The following BOD1 variants were observed in gnomAD, a reference collection of about 807,000 sequenced individuals.
The protein encoded by BOD1 is biorientation of chromosomes in cell division 1, also known as biorientation of chromosomes in cell division protein 1.
In BOD1, 11 loss-of-function variants were observed where a neutral mutation model predicts 15.7. The observed-to-expected ratio is 0.70, with a 90% CI of 0.44 to 1.16. The LOEUF (loss-of-function observed/expected upper bound fraction) is 1.16. BOD1 is among the 50% of genes most tolerant of loss of function. The pLI, the probability that BOD1 is intolerant of heterozygous loss-of-function variation, is 0.00. For missense variants in BOD1, 182 were observed against 244.5 expected (o/e 0.74, Z 1.70); for synonymous variants, 105 against 103.5 (o/e 1.01, Z -0.09).
At position 173,607,862 on chromosome 5, in the gene BOD1, A is replaced by G; in HGVS notation, c.*432T>C. ...GACAGTATCAAATAAGCACTGTCAA[A>G]GACTACTCCCAGCTAATCTTTACTG... On this transcript the variant is annotated 3_prime_UTR_variant, in exon 4 of 4. Transcript: ENST00000311086. 5.6e-6 allele frequency: 1 copy of G among 179,970 alleles called. No individual in the cohort carries two copies. 11.1% of individuals were successfully genotyped at this position (179,970 alleles called of 1,614,324 possible).
chr5:173,615,078 G>A (rs1193078648), intron 1 of BOD1, among the ~76,000 whole-genome samples: 5 of 152,248 alleles, frequency 3.3e-5, no homozygotes, highest in Admixed American at 6.5e-5. Context: ...TAGGAAAGGT[G>A]AAAGCTCTGT....
chr5:173,611,610 T>C (rs1755356020), intron 2 of BOD1, among the ~76,000 whole-genome samples: 1 of 151,850 alleles, frequency 6.6e-6, no homozygotes, highest in African/African-American at 2.4e-5. Context: ...AAGTCAGGAA[T>C]ATGGAAAACT....
intron 3 of BOD1, among the ~76,000 whole-genome samples, 175 bp from the exon 4 acceptor site, chr5:173,608,467 C>T (rs910952689): frequency 6.6e-6 from 1 of 152,220 alleles, no homozygotes; most frequent in African/African-American, 2.4e-5. Flanking sequence ...AGTCCTGATG[C>T]TCTTGCGTTG....
chr5:173,613,631 A>G (rs529640384), intron 1 of BOD1, among the ~76,000 whole-genome samples: 1 of 152,328 alleles, frequency 6.6e-6, no homozygotes, highest in South Asian at 2.1e-4. Context: ...ACATGTGAAC[A>G]AGTGCTGGTT....
At chr5:173,610,360 CAAAGG>C (rs1755316854) in intron 2 of BOD1, among the ~76,000 whole-genome samples, 1 of 152,108 alleles carries the variant, frequency 6.6e-6, no homozygotes, top group Non-Finnish European at 1.5e-5. Context: ...CAGGGTACAG[CAAAGG>C]AAAGACATGA....
In BOD1 at chr5:173,616,413, C is replaced by CCG. The variant is rs1561727644; in HGVS notation, c.23_24insCG (p.Thr10GlufsTer77). ...CGCCGCCGCCCACCGCGCCAGTTCC[C>CCG]CCGCCGCCGCCGCCGTCCGCCATGG... On this transcript the variant is annotated frameshift_variant, in exon 1 of 4. Transcript: ENST00000311086. LOFTEE classifies it high-confidence loss of function. 23 of 1,538,334 alleles carry CCG rather than the reference C, an allele frequency of 1.5e-5. No individual in the cohort carries two copies. The African/African-American group carries it at 3.3e-4, about 22-fold the overall frequency.
rs1755235383 is a variant in BOD1 at position 173,607,627 on chromosome 5, T to TG, written c.*666dup. ...TAAAATAAACATACCTAAGACTCAC[T>TG]GGCCCCTCCAGGACAGGAAGCAGCC... On this transcript the variant is annotated 3_prime_UTR_variant, in exon 4 of 4. Transcript: ENST00000311086. 1 of 152,356 alleles carries TG rather than the reference T, an allele frequency of 6.6e-6. No individual in the cohort carries two copies. Among genetic ancestry groups the TG allele is most frequent in the Non-Finnish European group, 1.5e-5 (1 of 68,044 alleles). The allele number at this position is 152,356 out of a possible 1,614,324, so 9.4% of individuals were successfully genotyped here.
chr5:173,616,337 CG>C lies in BOD1; in HGVS notation c.99del (p.Ser33ArgfsTer53), dbSNP rs1228916373. On this transcript the variant is annotated frameshift_variant, in exon 1 of 4. Coordinates refer to ENST00000311086, the MANE Select transcript of BOD1 (RefSeq NM_138369.3). LOFTEE classifies it high-confidence loss of function. ...GCCGGGTTGATGGGGCCACCGCCCCCGCTGGCCCCAGTAGCGCCAGTCGCTG... is the reference window on the plus strand; with the variant it reads ...GCCGGGTTGATGGGGCCACCGCCCCCCTGGCCCCAGTAGCGCCAGTCGCTG... ...AGAATGATGA[S>X]GGGGPINPAS... 6.5e-7 allele frequency: 1 copy of C among 1,530,018 alleles called. No individual in the cohort carries two copies. Among genetic ancestry groups the C allele is most frequent in the East Asian group, 2.5e-5 (1 of 40,008 alleles). The allele number at this position is 1,530,018 out of a possible 1,614,324, so 94.8% of individuals were successfully genotyped here.
intron 1 of BOD1, among the ~76,000 whole-genome samples, chr5:173,613,930 C>A (rs1755424542): frequency 6.6e-6 from 1 of 152,210 alleles, no homozygotes; most frequent in African/African-American, 2.4e-5. Context: ...GAGGGTGCCA[C>A]AGGAGTGGGT....
At chr5:173,615,959 T>A (rs187492641) in intron 1 of BOD1, among the ~76,000 whole-genome samples, 1 of 152,196 alleles carries the variant, frequency 6.6e-6, no homozygotes, top group African/African-American at 2.4e-5. Context: ...AAAACCCACA[T>A]TGAAACCCCA....
In BOD1 at chr5:173,608,144, C is replaced by T; in HGVS notation, c.*150G>A. ...AACTCTCCCACTGCCGAACTTGCTC[C>T]CCTTTCAATCTGGTCACTGCCCATG... On this transcript the variant is annotated 3_prime_UTR_variant, in exon 4 of 4. Transcript: ENST00000311086. The T allele has an allele frequency of 2.1e-6, 2 of 934,520 alleles. No homozygotes were observed. Among genetic ancestry groups the T allele is most frequent in the Non-Finnish European group, 1.7e-6 (1 of 579,040 alleles). 57.9% of individuals were successfully genotyped at this position (934,520 alleles called of 1,614,324 possible).
At position 173,607,978 on chromosome 5, in the gene BOD1, A is replaced by G; in HGVS notation, c.*316T>C. The G allele has an allele frequency of 2.5e-6, 1 of 403,656 alleles. No homozygotes were observed. The highest frequency in any genetic ancestry group is 4.5e-6 in the Non-Finnish European group (1 of 222,546). 25.0% of individuals were successfully genotyped at this position (403,656 alleles called of 1,614,324 possible). ...AGCACAAACCCTAAAGTCCATGTGC[A>G]GTCTCCATGTTCAAGTATAAAAGTC... On this transcript the variant is annotated 3_prime_UTR_variant, in exon 4 of 4. Transcript: ENST00000311086.
intron 2 of BOD1, 36 bp downstream of exon 2, chr5:173,613,095 C>A (rs778401197): frequency 2.0e-6 from 3 of 1,498,360 alleles, no homozygotes; most frequent in Non-Finnish European, 2.7e-6. Flanking sequence ...CTTGTGATGA[C>A]TGCCTTTTCA....
chr5:173,615,907 C>G (rs1369182793), intron 1 of BOD1, among the ~76,000 whole-genome samples: 2 of 152,138 alleles, frequency 1.3e-5, no homozygotes, highest in African/African-American at 4.8e-5. Flanking sequence ...TATTAAGGGC[C>G]TCAGAGGAGT....
intron 3 of BOD1, 71 bp downstream of exon 3, chr5:173,609,167 C>T (rs890795483): frequency 4.9e-6 from 7 of 1,427,550 alleles, no homozygotes; most frequent in Non-Finnish European, 5.6e-6. Context: ...ACGGCCTACC[C>T]CATTCCTATC....
Position 173,608,170 on chromosome 5 carries a change from G to T in BOD1, c.*124C>A. The T allele has an allele frequency of 2.5e-6, 3 of 1,214,692 alleles. No homozygotes were observed. Among genetic ancestry groups the T allele is most frequent in the Non-Finnish European group, 3.7e-6 (3 of 819,216 alleles). 75.2% of individuals were successfully genotyped at this position (1,214,692 alleles called of 1,614,324 possible). ...CCTTTCAATCTGGTCACTGCCCATG[G>T]TCAAGGTTGAAATCTTGAGATCAGT... is the stretch of plus-strand genomic sequence containing the variant. On this transcript the variant is annotated 3_prime_UTR_variant, in exon 4 of 4. Transcript: ENST00000311086.
chr5:173,610,195 A>G (rs532443537), intron 2 of BOD1, among the ~76,000 whole-genome samples: 51 of 152,350 alleles, frequency 3.3e-4, no homozygotes, highest in African/African-American at 1.2e-3. Context: ...CGTAAGGTTC[A>G]AAGTGAAGTG....
In BOD1 at chr5:173,608,188, A is replaced by G; in HGVS notation, c.*106T>C. On this transcript the variant is annotated 3_prime_UTR_variant, in exon 4 of 4. Transcript: ENST00000311086. ...GCCCATGGTCAAGGTTGAAATCTTG[A>G]GATCAGTGACGACCTTGGCCTATCT... is the stretch of plus-strand genomic sequence containing the variant. The G allele has an allele frequency of 5.2e-6, 7 of 1,355,864 alleles. No individual in the cohort carries two copies. Among genetic ancestry groups the G allele is most frequent in the Non-Finnish European group, 7.4e-6 (7 of 947,012 alleles). The allele number at this position is 1,355,864 out of a possible 1,614,324, so 84.0% of individuals were successfully genotyped here. A position where few individuals can be genotyped will look rare whatever the true frequency, so the allele number is the denominator to read the frequency against.
intron 2 of BOD1, among the ~76,000 whole-genome samples, chr5:173,612,512 C>A (rs1313278588): frequency 1.3e-5 from 2 of 152,208 alleles, no homozygotes. Context: ...GTCACACTCA[C>A]CCCCTCCTCC....
Sources: gnomAD v4.1 joint callset for allele counts (sites outside exome capture counted in the v4.1 genomes callset) on GRCh38, gnomAD v4.1.1 for gene constraint, MANE v1.5 for transcripts, NCBI Gene and HGNC (gene_info 2026-07-23, HGNC 2026-07-21) for gene names.